SP140: variants seen among roughly 807,000 people sequenced by gnomAD.
The protein encoded by SP140 is nuclear body protein SP140.
A neutral mutation model predicts 125.0 loss-of-function variants in SP140; 81 were observed. That is an observed-to-expected ratio of 0.65 (90% CI 0.54 to 0.78). The LOEUF (loss-of-function observed/expected upper bound fraction) is 0.78. Ranked by LOEUF, SP140 falls within the 30% of genes least tolerant of loss-of-function variation. The probability of loss-of-function intolerance (pLI) is 0.00; values close to 1 mark genes in which losing one functional copy is unlikely to be tolerated. For synonymous variants in SP140, 312 were observed against 354.0 expected, an observed-to-expected ratio of 0.88 and a Z score of 1.33; for missense variants, 858 against 1,037.0, an observed-to-expected ratio of 0.83 and a Z score of 2.37.
intron 1 of SP140, chr2:230,212,218 T>G: frequency 1.4e-6 from 1 of 734,108 alleles, no homozygotes; most frequent in Non-Finnish European, 2.4e-6. Flanking sequence ...TGGCCCCTTC[T>G]GTTTCTTTTC....
intron 16 of SP140, among the ~76,000 whole-genome samples, chr2:230,285,378 G>C (rs73106366): frequency 1.3e-5 from 2 of 152,166 alleles, no homozygotes; most frequent in Non-Finnish European, 2.9e-5. Flanking sequence ...AGTTGATGTG[G>C]CTTCCTGGTT....
Position 230,252,418 on chromosome 2 carries a change from C to A in SP140, c.1058-898C>A, listed in dbSNP as rs144727038. On this transcript the variant is annotated intron_variant, in intron 10 of 26. Transcript: ENST00000392045. ...GGGGCAAGGACATAAAGCACAGGACCAGGGATGCAAGAGGGAAATGAGGGA... is the reference window on the plus strand; with the variant it reads ...GGGGCAAGGACATAAAGCACAGGACAAGGGATGCAAGAGGGAAATGAGGGA... Among the ~76,000 whole-genome samples the A allele has an allele frequency of 8.6e-4, 130 of 151,998 alleles. 1 individual carries two copies. The highest frequency in any genetic ancestry group is 2.9e-3 in the African/African-American group (122 of 41,434).
chr2:230,283,675 G>A (rs1251139472), intron 15 of SP140, among the ~76,000 whole-genome samples: 1 of 152,206 alleles, frequency 6.6e-6, no homozygotes. Flanking sequence ...AGGAGGAGAT[G>A]AGGGACAGTC....
intron 15 of SP140, among the ~76,000 whole-genome samples, chr2:230,275,044 T>C (rs1437806022): frequency 1.3e-5 from 2 of 152,188 alleles, no homozygotes; most frequent in Non-Finnish European, 2.9e-5. Context: ...TCATTTGTTA[T>C]TGGCCATTTT....
At chr2:230,259,006 G>T (rs906989537) in intron 12 of SP140, among the ~76,000 whole-genome samples, 4 of 152,224 alleles carry the variant, frequency 2.6e-5, no homozygotes, top group Admixed American at 2.6e-4. Flanking sequence ...CAACTAGGAT[G>T]AGATGTGGCT....
At chr2:230,303,797 A>C (rs2058519202) in intron 22 of SP140, among the ~76,000 whole-genome samples, 1 of 152,244 alleles carries the variant, frequency 6.6e-6, no homozygotes, top group Non-Finnish European at 1.5e-5. Flanking sequence ...CATAGCCAAC[A>C]TAATACTGAA....
chr2:230,250,560 G>A (rs2050204790), intron 9 of SP140, among the ~76,000 whole-genome samples: 1 of 152,138 alleles, frequency 6.6e-6, no homozygotes, highest in Admixed American at 6.6e-5. Context: ...GAGAAAGGGG[G>A]TGACAAGGAA....
chr2:230,272,172 A>G (rs1306310920), intron 15 of SP140, among the ~76,000 whole-genome samples: 1 of 152,254 alleles, frequency 6.6e-6, no homozygotes, highest in Non-Finnish European at 1.5e-5. Flanking sequence ...TGCTATTGCC[A>G]TTAAGCTACC....
At chr2:230,222,229 C>CAA (rs1204772131), upstream of SP140, among the ~76,000 whole-genome samples, 16 of 77,274 alleles carry the variant, frequency 2.1e-4, no homozygotes, top group African/African-American at 4.0e-4. Context: ...GATCCCGCCT[C>CAA]AAAAAAAAAA....
At chr2:230,200,589 T>A, upstream of SP140, 1 of 448,230 alleles carries the variant, frequency 2.2e-6, no homozygotes, top group Admixed American at 3.6e-5. Context: ...ACACTCATTC[T>A]CAGTAATGGT....
chr2:230,283,881 A>C (rs948313732), intron 15 of SP140, among the ~76,000 whole-genome samples: 7 of 152,138 alleles, frequency 4.6e-5, no homozygotes, highest in African/African-American at 1.4e-4. Context: ...ACTATATAGA[A>C]ATTCTATAAT....
chr2:230,313,580 G>A (rs1373143477), downstream of SP140, among the ~76,000 whole-genome samples: 5 of 152,182 alleles, frequency 3.3e-5, no homozygotes, highest in Admixed American at 3.3e-4. Flanking sequence ...TTGGCCACAC[G>A]ATGCTGCTTC....
chr2:230,300,499 T>G (rs2058187132), intron 22 of SP140, among the ~76,000 whole-genome samples: 1 of 151,988 alleles, frequency 6.6e-6, no homozygotes, highest in Non-Finnish European at 1.5e-5. Flanking sequence ...TACTCCCCAG[T>G]ACCAGCCCAG....
At chr2:230,264,225 G>T (rs570109202) in intron 12 of SP140, among the ~76,000 whole-genome samples, 1 of 152,090 alleles carries the variant, frequency 6.6e-6, no homozygotes, top group South Asian at 2.1e-4. Flanking sequence ...CCTTGTCTTT[G>T]AGCTCTGAAT....
intron 4 of SP140, among the ~76,000 whole-genome samples, chr2:230,242,460 A>G (rs1003221062): frequency 1.3e-5 from 2 of 152,196 alleles, no homozygotes; most frequent in African/African-American, 2.4e-5. Flanking sequence ...TCTCTCCCAG[A>G]ATAGTCCAAT....
At chr2:230,272,920 T>A (rs2054153987) in intron 15 of SP140, among the ~76,000 whole-genome samples, 1 of 152,294 alleles carries the variant, frequency 6.6e-6, no homozygotes, top group Non-Finnish European at 1.5e-5. Context: ...GACCCCTTCC[T>A]TACACCATAT....
intron 3 of SP140, 138 bp downstream of exon 3, chr2:230,238,519 G>T (rs1200102606): frequency 3.4e-6 from 3 of 877,024 alleles, no homozygotes; most frequent in Non-Finnish European, 5.2e-6. Context: ...ATATAATGAT[G>T]AAAAAACACA....
chr2:230,307,259 C>T (rs115176986), intron 22 of SP140, among the ~76,000 whole-genome samples: 7 of 152,356 alleles, frequency 4.6e-5, no homozygotes, highest in African/African-American at 1.2e-4. Context: ...AGCTCCTCTT[C>T]GTCTTGCTCA....
In SP140 at chr2:230,251,047, C is replaced by A. The variant is rs769164263; in HGVS notation, c.1043C>A (p.Ala348Glu). ...CCCCAGGAAGCCTCTAGCTCCCTAG[C>A]AAGATGTGGGTCAGGTAAAGAAGGG... Reference protein sequence around the residue: ...EEPQEASSSLARCGSVSCLSA... With the variant: ...EEPQEASSSLERCGSVSCLSA... Residue 348 changes from alanine (A) to glutamate (E), a missense_variant, in exon 10 of 27, where the codon GCA (alanine) becomes GAA (glutamate). Around this residue, in one of 4 missense-constraint regions of SP140, gnomAD observed 791 missense variants for 869.5 expected, o/e 0.91. Transcript: ENST00000392045. 8.1e-6 allele frequency: 13 copies of A among 1,613,296 alleles called. No homozygotes were observed. In the African/African-American group the frequency reaches 1.6e-4, roughly 20 times the overall value.
Sources: allele counts gnomAD v4.1 joint callset (sites outside exome capture counted in the v4.1 genomes callset), GRCh38; gene constraint gnomAD v4.1.1; regional missense constraint gnomAD v4.1.1; transcripts MANE v1.5; gene names NCBI Gene and HGNC (gene_info 2026-07-23, HGNC 2026-07-21).